TOR1AIP2: variants seen among roughly 807,000 people sequenced by gnomAD.
The protein encoded by TOR1AIP2 is torsin 1A interacting protein 2.
In TOR1AIP2, 20 loss-of-function variants were observed where a neutral mutation model predicts 32.6. That is an observed-to-expected ratio of 0.61 (90% CI 0.43 to 0.89). The LOEUF is 0.89. TOR1AIP2 is among the 40% of genes least tolerant of loss of function. TOR1AIP2 has a pLI of 0.00. For missense variants in TOR1AIP2, 456 were observed against 553.8 expected (o/e 0.82, Z 1.77); for synonymous variants, 214 against 210.8 (o/e 1.02, Z -0.13).
At chr1:179,849,417 T>C (rs191319346) in intron 5 of TOR1AIP2, among the ~76,000 whole-genome samples, 3 of 151,664 alleles carry the variant, frequency 2.0e-5, no homozygotes, top group African/African-American at 7.3e-5. Context: ...TCTGTAGAGA[T>C]GGGTTTTTGC....
intron 2 of TOR1AIP2, among the ~76,000 whole-genome samples, chr1:179,873,179 T>C (rs1302095724): frequency 6.6e-6 from 1 of 152,184 alleles, no homozygotes; most frequent in Admixed American, 6.5e-5. Context: ...GGTCAGTTAT[T>C]TTGGGTTCGG....
chr1:179,846,734 T>C lies in TOR1AIP2; in HGVS notation c.750A>G (p.Pro250=). The part of the protein sequence containing the change: ...SSPAQQVPKN[P]ALEAFLAQFS... ...ACTGGGCCAAAAAGGCCTCCAAAGCTGGATTTTTGGGCACTTGCTGGGCTG... is the reference window on the plus strand; with the variant it reads ...ACTGGGCCAAAAAGGCCTCCAAAGCCGGATTTTTGGGCACTTGCTGGGCTG... The change falls in exon 7 of 7, where the codon CCA becomes CCG. Residue 250 remains proline, a synonymous_variant. Coordinates refer to ENST00000609928, the MANE Select transcript of TOR1AIP2 (RefSeq NM_001199260.2). 6.2e-7 allele frequency: 1 copy of C among 1,614,024 alleles called. No homozygotes were observed. Among genetic ancestry groups the C allele is most frequent in the Non-Finnish European group, 8.5e-7 (1 of 1,180,030 alleles).
At chr1:179,860,247 C>T (rs1042589050) in intron 3 of TOR1AIP2, 3 of 966,366 alleles carry the variant, frequency 3.1e-6, no homozygotes, top group Non-Finnish European at 3.7e-6. Context: ...CTTTGGGAGG[C>T]CCAGGTGAGA....
chr1:179,860,718 T>C, intron 3 of TOR1AIP2: 1 of 985,110 alleles, frequency 1.0e-6, no homozygotes, highest in Non-Finnish European at 1.2e-6. Flanking sequence ...CATTTAATAG[T>C]ATCAGAATTA....
chr1:179,860,945 T>G, intron 3 of TOR1AIP2: 1 of 985,528 alleles, frequency 1.0e-6, no homozygotes, highest in Non-Finnish European at 1.2e-6. Context: ...CCTGTTTGCC[T>G]GGGCTTCCTT....
At chr1:179,863,775 C>T (rs1271229097) in intron 3 of TOR1AIP2, 3 of 983,700 alleles carry the variant, frequency 3.0e-6, no homozygotes, top group South Asian at 4.7e-5. Context: ...GCACTAGATA[C>T]CTAGATACCT....
intron 3 of TOR1AIP2, among the ~76,000 whole-genome samples, chr1:179,857,854 T>A (rs903551822): frequency 6.6e-6 from 1 of 152,172 alleles, no homozygotes; most frequent in Non-Finnish European, 1.5e-5. Flanking sequence ...GCTTTCTTTG[T>A]GTCAGGCAGC....
chr1:179,851,456 AG>A, intron 4 of TOR1AIP2, 93 bp from the exon 5 acceptor site: 1 of 1,019,978 alleles, frequency 9.8e-7, no homozygotes, highest in Non-Finnish European at 1.3e-6. Context: ...ATATTTACAT[AG>A]ATTTTCATGG....
At chr1:179,850,369 C>CA (rs1185259906) in intron 5 of TOR1AIP2, among the ~76,000 whole-genome samples, 1 of 152,168 alleles carries the variant, frequency 6.6e-6, no homozygotes, top group Non-Finnish European at 1.5e-5. Context: ...CTGTCTTACT[C>CA]AAAGTCCTAT....
chr1:179,846,895 A>G, intron 6 of TOR1AIP2, 67 bp from the exon 7 acceptor site: 1 of 1,490,284 alleles, frequency 6.7e-7, no homozygotes, highest in Non-Finnish European at 8.9e-7. Flanking sequence ...AGCCTGTGGT[A>G]AACTGAAATG....
At chr1:179,849,767 A>G (rs1285896268) in intron 5 of TOR1AIP2, among the ~76,000 whole-genome samples, 1 of 152,214 alleles carries the variant, frequency 6.6e-6, no homozygotes, top group Non-Finnish European at 1.5e-5. Context: ...TATAACAGTG[A>G]AATTCTGACG....
chr1:179,855,769 A>G (rs1696275284), intron 3 of TOR1AIP2, among the ~76,000 whole-genome samples: 1 of 152,254 alleles, frequency 6.6e-6, no homozygotes, highest in South Asian at 2.1e-4. Flanking sequence ...TAGAAAATCT[A>G]AATGTTCATT....
intron 5 of TOR1AIP2, among the ~76,000 whole-genome samples, chr1:179,848,857 G>A (rs189387058): frequency 1.5e-4 from 23 of 152,288 alleles, no homozygotes; most frequent in South Asian, 1.5e-3. Flanking sequence ...CTGGCTGGGC[G>A]CAGTGGCTCA....
intron 2 of TOR1AIP2, among the ~76,000 whole-genome samples, chr1:179,866,586 G>A (rs1696786073): frequency 6.6e-6 from 1 of 152,110 alleles, no homozygotes; most frequent in Admixed American, 6.5e-5. Flanking sequence ...TGTATTTTTA[G>A]TAGAGACGGG....
intron 3 of TOR1AIP2, chr1:179,860,312 A>G (rs1195389492): frequency 4.0e-6 from 3 of 751,270 alleles, no homozygotes; most frequent in Non-Finnish European, 4.9e-6. Flanking sequence ...GCGATACTCC[A>G]TCTCTACAAA....
chr1:179,847,403 C>T (rs1219446909), intron 6 of TOR1AIP2, 132 bp downstream of exon 6: 2 of 703,914 alleles, frequency 2.8e-6, no homozygotes, highest in Non-Finnish European at 2.5e-6. Context: ...TACTATGTCT[C>T]ACTACCAATC....
At position 179,844,692 on chromosome 1, in the gene TOR1AIP2, C is replaced by G. The variant is rs1695836584; in HGVS notation, c.*1379G>C. The G allele has an allele frequency of 6.6e-6, 1 of 152,154 alleles. No homozygotes were observed. The highest frequency in any genetic ancestry group is 2.4e-5 in the African/African-American group (1 of 41,440). 9.4% of individuals were successfully genotyped at this position (152,154 alleles called of 1,614,324 possible). A position where few individuals can be genotyped will look rare whatever the true frequency, so the allele number is the denominator to read the frequency against. On this transcript the variant is annotated 3_prime_UTR_variant, in exon 7 of 7. Coordinates refer to ENST00000609928, the MANE Select transcript of TOR1AIP2 (RefSeq NM_001199260.2). ...TACCCACCATTTCTGCTTCCTCTCA[C>G]TAAGTATAACATCTCTTAGATTTCT...
At chr1:179,853,257 G>C (rs547399951) in intron 3 of TOR1AIP2, among the ~76,000 whole-genome samples, 1 of 152,282 alleles carries the variant, frequency 6.6e-6, no homozygotes, top group South Asian at 2.1e-4. Context: ...CAATGCACAG[G>C]AGGTTCCCAC....
chr1:179,854,677 C>T (rs558802616), intron 3 of TOR1AIP2, among the ~76,000 whole-genome samples: 1 of 152,228 alleles, frequency 6.6e-6, no homozygotes, highest in Non-Finnish European at 1.5e-5. Context: ...TCGAGACCAG[C>T]CTGACCAACA....
Sources: gnomAD v4.1 joint callset for allele counts (sites outside exome capture counted in the v4.1 genomes callset) on GRCh38, gnomAD v4.1.1 for gene constraint, MANE v1.5 for transcripts, NCBI Gene and HGNC (gene_info 2026-07-23, HGNC 2026-07-21) for gene names.